Variants in DICER1 observed in about 807,000 individuals in gnomAD.
DICER1 encodes dicer 1, ribonuclease III.
A neutral mutation model predicts 194.1 loss-of-function variants in DICER1; 43 were observed. That is an observed-to-expected ratio of 0.22 (90% CI 0.17 to 0.29). DICER1 has a LOEUF of 0.29. DICER1 is among the 10% of genes least tolerant of loss of function. The pLI is 1.00. For synonymous variants in DICER1, 832 were observed against 820.5 expected (o/e 1.01, Z -0.24); for missense variants, 1,608 against 2,317.0 (o/e 0.69, Z 6.28).
intron 1 of DICER1, among the ~76,000 whole-genome samples, chr14:95,135,769 A>G (rs972140256): frequency 2.0e-5 from 3 of 152,118 alleles, no homozygotes; most frequent in African/African-American, 7.2e-5. Flanking sequence ...ATATTCCTCC[A>G]TGTGTGTTTG....
Position 95,116,563 on chromosome 14 carries a change from G to T in DICER1, c.1642C>A (p.Gln548Lys). ...GGTGCCCTTGCTCTTCCTTTAGATT[G>T]AACATAGGATCGATATTCTGTGGGC... ...DLPTEYRSYV[Q>K]SKGRARAPIS... The change falls in exon 10 of 27, where the codon CAA (glutamine) becomes AAA (lysine). Residue 548 changes from glutamine to lysine, a missense_variant. This residue lies in a region of DICER1 where 657 missense variants were observed against 910.1 expected (regional missense o/e 0.72). Transcript: ENST00000343455. 6.2e-7 allele frequency: 1 copy of T among 1,613,836 alleles called. No homozygotes were observed. Among genetic ancestry groups the T allele is most frequent in the Non-Finnish European group, 8.5e-7 (1 of 1,179,934 alleles).
At chr14:95,108,692 C>A (rs767064174) in intron 14 of DICER1, among the ~76,000 whole-genome samples, 189 bp from the exon 15 acceptor site, 46 of 152,336 alleles carry the variant, frequency 3.0e-4, no homozygotes, top group Non-Finnish European at 5.0e-4. Context: ...CAGGACAGGG[C>A]TGCTGACGGT....
intron 1 of DICER1, among the ~76,000 whole-genome samples, chr14:95,143,907 T>C (rs1894970914): frequency 6.6e-6 from 1 of 152,174 alleles, no homozygotes; most frequent in Non-Finnish European, 1.5e-5. Flanking sequence ...ACTTAAATAC[T>C]GGAGAAGCCC....
intron 4 of DICER1, 98 bp downstream of exon 4, chr14:95,131,411 T>C (rs1300546332): frequency 3.3e-6 from 4 of 1,210,194 alleles, no homozygotes; most frequent in Non-Finnish European, 4.8e-6. Context: ...AAATTAGTTT[T>C]CAAACCTAAA....
Position 95,103,897 on chromosome 14 carries a change from C to T in DICER1, c.3499G>A (p.Glu1167Lys), listed in dbSNP as rs1456267980. The T allele has an allele frequency of 1.9e-6, 3 of 1,614,034 alleles. No homozygotes were observed. The highest frequency in any genetic ancestry group is 2.5e-6 in the Non-Finnish European group (3 of 1,180,032). The change falls in exon 21 of 27, where the codon GAA becomes AAA. Residue 1167 changes from glutamate to lysine, a missense_variant. Physicochemically the swap from Glu to Lys is moderately conservative, Grantham distance 56. Around this residue, in one of 10 missense-constraint regions of DICER1, gnomAD observed 222 missense variants for 215.5 expected, o/e 1.03. Transcript: ENST00000343455. Reference sequence around the variant, plus strand: ...ATTGCTGTAAGATCTGCTGAAACTTCAACGTGGAGCTTACCAGGGGACTCG... The same window carrying T: ...ATTGCTGTAAGATCTGCTGAAACTTTAACGTGGAGCTTACCAGGGGACTCG... ...LSESPGKLHV[E>K]VSADLTAING...
intron 11 of DICER1, among the ~76,000 whole-genome samples, chr14:95,113,905 C>T (rs1182840405): frequency 6.6e-6 from 1 of 152,186 alleles, no homozygotes; most frequent in Non-Finnish European, 1.5e-5. Flanking sequence ...AGACTGGCTA[C>T]ATACAGGAAG....
chr14:95,099,773 A>AC lies in DICER1; in HGVS notation c.4206+6_4206+7insG, dbSNP rs780553118. 6.5e-7 allele frequency: 1 copy of AC among 1,549,332 alleles called. No homozygotes were observed. On this transcript the variant is annotated splice_region_variant and intron_variant, in intron 22 of 26. Transcript: ENST00000343455. Reference sequence around the variant, plus strand: ...ACACACACACACACACACACACACAAACTTACCATTTCATCTTTTTCCCAT... The same window carrying AC: ...ACACACACACACACACACACACACAACACTTACCATTTCATCTTTTTCCCAT...
chr14:95,091,132 A>T (rs1889772235), intron 25 of DICER1, 23 bp from the exon 26 acceptor site: 1 of 1,613,882 alleles, frequency 6.2e-7, no homozygotes, highest in East Asian at 2.2e-5. Context: ...TGAAAGAATA[A>T]TATGAATAAT....
In DICER1 at chr14:95,086,762, A is replaced by C. The variant is rs80103767; in HGVS notation, c.*3736T>G. ...CATTTTAATAGTCTTGGTCTTAAAC[A>C]TATCTTTAAAACTTTTCATGTACAA... On this transcript the variant is annotated 3_prime_UTR_variant, in exon 27 of 27. Transcript: ENST00000343455. The C allele has an allele frequency of 7.5e-3, 1,734 of 232,748 alleles. 14 individuals carry two copies. Among genetic ancestry groups the C allele is most frequent in the Non-Finnish European group, 0.011 (1,262 of 117,724 alleles). The allele number at this position is 232,748 out of a possible 1,614,324, so 14.4% of individuals were successfully genotyped here.
chr14:95,132,744 T>G, intron 2 of DICER1, 67 bp from the exon 3 acceptor site: 1 of 1,484,240 alleles, frequency 6.7e-7, no homozygotes. Context: ...AAATTGGATT[T>G]TATTTTAAAT....
chr14:95,148,796 C>A (rs548878946), intron 1 of DICER1, among the ~76,000 whole-genome samples: 19 of 152,162 alleles, frequency 1.2e-4, no homozygotes, highest in Admixed American at 1.0e-3. Context: ...CAGATACCCA[C>A]CCCTCCCCTT....
chr14:95,090,646 TA>T lies in DICER1; in HGVS notation c.5620del (p.Tyr1874ThrfsTer11). ...CACAGTGACTCTGACCTTCCCGTCG[TA>T]AGTTCTCTCAGCCGGGCTGTAAAAA... ...TAKFSPAERTYDGKVRVTVEV... is the reference protein window; with the variant it reads ...TAKFSPAERTXDGKVRVTVEV... On this transcript the variant is annotated frameshift_variant, in exon 27 of 27. Coordinates refer to ENST00000343455, the MANE Select transcript of DICER1 (RefSeq NM_177438.3). LOFTEE classifies it high-confidence loss of function. 1 of 1,614,200 alleles carries T rather than the reference TA, an allele frequency of 6.2e-7. No individual in the cohort carries two copies.
rs1293864334 is a variant in DICER1 at position 95,117,614 on chromosome 14, TAA to T, written c.1509+6_1509+7del. ...CTGTTATTGTACACTTATTTTGATT[TAA>T]GTTACCTCTTCCTGTTTTCTGAATT... On this transcript the variant is annotated splice_donor_region_variant and intron_variant, in intron 9 of 26. Transcript: ENST00000343455. 1.2e-6 allele frequency: 2 copies of T among 1,613,998 alleles called. No individual in the cohort carries two copies. The highest frequency in any genetic ancestry group is 1.7e-6 in the Non-Finnish European group (2 of 1,179,866).
rs760950917 is a variant in DICER1, at chr14:95,103,930, A to C, written c.3466T>G (p.Leu1156Val). ...HDQMSVNCRT[L>V]LSESPGKLHV... ...AGCTTACCAGGGGACTCGCTGAGCA[A>C]CGTTCTGCAGTTCACAGACATTTGG... The change falls in exon 21 of 27, where the codon TTG (leucine) becomes GTG (valine). Residue 1156 changes from leucine (L) to valine (V), a missense_variant. By Grantham distance (32) the Leu-to-Val change is conservative. This residue lies in a region of DICER1 where 222 missense variants were observed against 215.5 expected (regional missense o/e 1.03). Transcript: ENST00000343455. 2 of 1,614,068 alleles carry C rather than the reference A, an allele frequency of 1.2e-6. No homozygotes were observed. The highest frequency in any genetic ancestry group is 3.3e-5 in the Admixed American group (2 of 60,008).
intron 1 of DICER1, among the ~76,000 whole-genome samples, chr14:95,142,002 A>G (rs1894852707): frequency 6.6e-6 from 1 of 152,230 alleles, no homozygotes; most frequent in African/African-American, 2.4e-5. Context: ...TCCCTCAGTA[A>G]AACTTGGCTT....
intron 15 of DICER1, 67 bp downstream of exon 15, chr14:95,108,257 G>GTT (rs34975585): frequency 8.8e-4 from 1,038 of 1,185,220 alleles, no homozygotes; most frequent in African/African-American, 2.0e-3. Context: ...CTTACTACTA[G>GTT]TTTTTTTTTT....
rs1555369701 is a variant in DICER1 at position 95,104,037 on chromosome 14, T to C, written c.3359A>G (p.Asn1120Ser). Residue 1120 changes from asparagine (N) to serine (S), a missense_variant, in exon 21 of 27, where the codon AAT (asparagine) becomes AGT (serine). This residue lies in a region of DICER1 where 222 missense variants were observed against 215.5 expected (regional missense o/e 1.03). Coordinates refer to ENST00000343455, the MANE Select transcript of DICER1 (RefSeq NM_177438.3). The part of the protein sequence containing the change: ...ISNSSSAEND[N>S]YCKHSTIVPE... ...GACAATTGTGCTGTGCTTACAGTAATTATCATTTTCAGCTGAAGAGGAGTT... is the reference window on the plus strand; with the variant it reads ...GACAATTGTGCTGTGCTTACAGTAACTATCATTTTCAGCTGAAGAGGAGTT... 6.2e-7 allele frequency: 1 copy of C among 1,614,114 alleles called. No individual in the cohort carries two copies. The highest frequency in any genetic ancestry group is 8.5e-7 in the Non-Finnish European group (1 of 1,180,004).
In DICER1 at chr14:95,105,697, T is replaced by C. The variant is rs1191384264; in HGVS notation, c.3074A>G (p.Glu1025Gly). 7.4e-6 allele frequency: 12 copies of C among 1,613,048 alleles called. No homozygotes were observed. The highest frequency in any genetic ancestry group is 1.3e-5 in the African/African-American group (1 of 74,910). ...SSAEKRKAKW[E>G]SLQNKQILVP... ...CATTACCTGTTTATTCTGCAGACTT[T>C]CCCATTTGGCTTTCCTCTTCTCAGC... Residue 1025 changes from glutamate (E) to glycine (G), a missense_variant, in exon 19 of 27, where the codon GAA (glutamate) becomes GGA (glycine). Glu to Gly is a moderately conservative substitution (Grantham distance 98). Transcript: ENST00000343455. The surrounding 1 kb of genome is among the most constrained non-coding windows in gnomAD (Gnocchi z 4.9).
intron 6 of DICER1, among the ~76,000 whole-genome samples, chr14:95,127,811 G>A (rs1566808447): frequency 6.6e-6 from 1 of 152,188 alleles, no homozygotes; most frequent in East Asian, 1.9e-4. Flanking sequence ...ATTATTATTA[G>A]TTTGTTTTCT....
Sources: allele counts gnomAD v4.1 joint callset (sites outside exome capture counted in the v4.1 genomes callset), GRCh38; gene constraint gnomAD v4.1.1; regional missense constraint gnomAD v4.1.1; non-coding constraint Gnocchi (gnomAD v3.1); transcripts MANE v1.5; gene names NCBI Gene and HGNC (gene_info 2026-07-23, HGNC 2026-07-21).